Variants in LMNTD1 observed in about 807,000 individuals in gnomAD.
LMNTD1 encodes lamin tail domain containing 1, also known as lamin tail domain-containing protein 1.
In LMNTD1, 35 loss-of-function variants were observed where a neutral mutation model predicts 50.9. That is an observed-to-expected ratio of 0.69 (90% CI 0.53 to 0.91). LMNTD1 has a LOEUF of 0.91. LMNTD1 is among the 40% of genes least tolerant of loss of function. The probability of loss-of-function intolerance (pLI) is 0.00; values close to 1 mark genes in which losing one functional copy is unlikely to be tolerated. For synonymous variants in LMNTD1, 153 were observed against 161.9 expected (o/e 0.94, Z 0.42); for missense variants, 470 against 475.5 (o/e 0.99, Z 0.11).
At chr12:25,497,095 C>T (rs747253146) in intron 9 of LMNTD1, among the ~76,000 whole-genome samples, 3 of 152,014 alleles carry the variant, frequency 2.0e-5, no homozygotes, top group South Asian at 4.1e-4. Flanking sequence ...TTTTAAAAAA[C>T]CCATTCATCT....
intron 4 of LMNTD1, among the ~76,000 whole-genome samples, chr12:25,529,546 C>G (rs553569573): frequency 1.5e-4 from 23 of 152,262 alleles, no homozygotes; most frequent in African/African-American, 5.5e-4. Flanking sequence ...TCCTTCATTC[C>G]TTATTCGTGA....
At chr12:25,598,065 T>C (rs1945880013) in intron 1 of LMNTD1, among the ~76,000 whole-genome samples, 1 of 152,090 alleles carries the variant, frequency 6.6e-6, no homozygotes, top group Admixed American at 6.6e-5. Flanking sequence ...CTCTCTTGCC[T>C]GCCACCATGT....
At position 25,648,426 on chromosome 12, in the gene LMNTD1, T is replaced by C. The variant is rs549769181; in HGVS notation, c.58+68A>G. 6 of 1,284,772 alleles carry C rather than the reference T, an allele frequency of 4.7e-6. No individual in the cohort carries two copies. In the African/African-American group the frequency reaches 5.9e-5, roughly 13 times the overall value. The allele number at this position is 1,284,772 out of a possible 1,614,324, so 79.6% of individuals were successfully genotyped here. A position where few individuals can be genotyped will look rare whatever the true frequency, so the allele number is the denominator to read the frequency against. On this transcript the variant is annotated intron_variant, in intron 1 of 7. Transcript: ENST00000445693. Reference sequence around the variant, plus strand: ...CTTTCTAAAGTGTCAGGTGTTAGTATAAAAAGGAAATGAGGGAAGCCAGCG... The same window carrying C: ...CTTTCTAAAGTGTCAGGTGTTAGTACAAAAAGGAAATGAGGGAAGCCAGCG...
chr12:25,559,248 G>C (rs898796340), intron 1 of LMNTD1, among the ~76,000 whole-genome samples: 6 of 151,900 alleles, frequency 3.9e-5, no homozygotes. Context: ...CCCTGTGTCC[G>C]AGTGTTCTCA....
At chr12:25,645,884 G>T (rs781130987) in intron 1 of LMNTD1, among the ~76,000 whole-genome samples, 4 of 152,124 alleles carry the variant, frequency 2.6e-5, no homozygotes, top group African/African-American at 9.7e-5. Flanking sequence ...TGAAAATAAG[G>T]AGCCATGTCA....
intron 9 of LMNTD1, among the ~76,000 whole-genome samples, chr12:25,491,248 A>G (rs540823393): frequency 4.6e-5 from 7 of 152,356 alleles, no homozygotes; most frequent in South Asian, 4.1e-4. Context: ...GAGTGGGGCA[A>G]TGGGTATAAT....
chr12:25,617,362 C>G (rs536829169), intron 1 of LMNTD1, among the ~76,000 whole-genome samples: 235 of 152,292 alleles, frequency 1.5e-3, no homozygotes, highest in Non-Finnish European at 2.3e-3. Context: ...CCACCAAAAC[C>G]AGACACTTCA....
At chr12:25,551,789 T>G (rs1050100985) in intron 2 of LMNTD1, among the ~76,000 whole-genome samples, 1 of 152,228 alleles carries the variant, frequency 6.6e-6, no homozygotes, top group African/African-American at 2.4e-5. Flanking sequence ...AACCTTCCAC[T>G]TGCCTACCTA....
chr12:25,615,409 C>T lies in LMNTD1; in HGVS notation c.58+33085G>A, dbSNP rs543670553. ...AGAAGGTTGTGAAGATTCTGGACAA[C>T]GTTCAGAAGAGAGCCATATAGCAGA... On this transcript the variant is annotated intron_variant, in intron 1 of 7. Transcript: ENST00000445693. Among the ~76,000 whole-genome samples the T allele has an allele frequency of 5.3e-5, 8 of 152,198 alleles. No homozygotes were observed. The South Asian group carries it at 6.2e-4, about 12-fold the overall frequency.
At chr12:25,479,116 CTG>C (rs1347667221) in intron 9 of LMNTD1, among the ~76,000 whole-genome samples, 1 of 152,192 alleles carries the variant, frequency 6.6e-6, no homozygotes, top group Non-Finnish European at 1.5e-5. Context: ...CCAGCCAACA[CTG>C]TAACTCCCTT....
rs764147771 is a variant in LMNTD1, at chr12:25,546,474, AC to A, written c.390del (p.Leu130PhefsTer19). On this transcript the variant is annotated frameshift_variant, in exon 4 of 10. Transcript: ENST00000458174. LOFTEE classifies it high-confidence loss of function. Reference protein sequence around the residue: ...IGDGEDYFLSLFGDSKKLTAH... With the variant: ...IGDGEDYFLSXFGDSKKLTAH... ...GCTGTAAGTTTCTTTGAATCACCAA[AC>A]AAAGAAAGGAAATAATCTTCTCCAT... is the stretch of plus-strand genomic sequence containing the variant. The A allele has an allele frequency of 3.7e-6, 6 of 1,600,616 alleles. No homozygotes were observed. The highest frequency in any genetic ancestry group is 5.1e-6 in the Non-Finnish European group (6 of 1,171,798).
chr12:25,543,785 T>C (rs941639178), intron 4 of LMNTD1, among the ~76,000 whole-genome samples: 7 of 152,032 alleles, frequency 4.6e-5, no homozygotes, highest in Non-Finnish European at 8.8e-5. Context: ...GTATGTTGTG[T>C]TTCCATTTCC....
intron 1 of LMNTD1, among the ~76,000 whole-genome samples, chr12:25,570,222 A>C (rs970585943): frequency 6.6e-6 from 1 of 152,228 alleles, no homozygotes; most frequent in African/African-American, 2.4e-5. Context: ...TATTATTTAG[A>C]TGAAACTATA....
Position 25,640,788 on chromosome 12 carries a change from G to A in LMNTD1, c.58+7706C>T, listed in dbSNP as rs796228074. Among the ~76,000 whole-genome samples the A allele has an allele frequency of 9.9e-5, 15 of 151,796 alleles. 1 individual carries two copies. The highest frequency in any genetic ancestry group is 6.8e-3 in the Middle Eastern group (2 of 294). ...CGCCATTCTCCTGCCTAAGCCTCCC[G>A]AGTAGCTGGGACTACAGGTGCCCAC... On this transcript the variant is annotated intron_variant, in intron 1 of 7. Transcript: ENST00000445693.
chr12:25,541,628 AC>A (rs1395323439), intron 4 of LMNTD1, among the ~76,000 whole-genome samples: 1 of 112,962 alleles, frequency 8.9e-6, no homozygotes, highest in Non-Finnish European at 1.9e-5. Context: ...CTAGAAGAAA[AC>A]CTAGGCATTA....
intron 8 of LMNTD1, among the ~76,000 whole-genome samples, chr12:25,505,584 G>T (rs1268682184): frequency 1.3e-5 from 2 of 152,012 alleles, no homozygotes; most frequent in South Asian, 2.1e-4. Flanking sequence ...CAAGGGAAGA[G>T]AAAAATTATT....
At chr12:25,506,742 CTTA>C (rs1591842176) in intron 8 of LMNTD1, among the ~76,000 whole-genome samples, 2 of 150,636 alleles carry the variant, frequency 1.3e-5, no homozygotes, top group South Asian at 2.1e-4. Context: ...AAAAATTGGT[CTTA>C]TTTATTTTAC....
At chr12:25,597,971 T>C (rs1945878316) in intron 1 of LMNTD1, among the ~76,000 whole-genome samples, 1 of 152,022 alleles carries the variant, frequency 6.6e-6, no homozygotes, top group African/African-American at 2.4e-5. Context: ...ATCATGGAGG[T>C]GGGTTTTTCC....
intron 6 of LMNTD1, among the ~76,000 whole-genome samples, chr12:25,521,019 G>A (rs1462692417): frequency 2.6e-5 from 4 of 152,154 alleles, no homozygotes; most frequent in Non-Finnish European, 5.9e-5. Context: ...TTGGAGAAAT[G>A]TCTATTCAGG....
Sources: allele counts gnomAD v4.1 joint callset (sites outside exome capture counted in the v4.1 genomes callset), GRCh38; gene constraint gnomAD v4.1.1; transcripts MANE v1.5; gene names NCBI Gene and HGNC (gene_info 2026-07-23, HGNC 2026-07-21).